The following PDZD2 variants were observed in gnomAD, a reference collection of about 807,000 sequenced individuals.
PDZD2 encodes PDZ domain containing 2.
In PDZD2, 90 loss-of-function variants were observed where a neutral mutation model predicts 220.7. That is an observed-to-expected ratio of 0.41 (90% CI 0.34 to 0.49). PDZD2 has a LOEUF of 0.49. Among genes scored for constraint, PDZD2 ranks in the 20% least tolerant of loss-of-function variants. The pLI, the probability that PDZD2 is intolerant of heterozygous loss-of-function variation, is 0.28. For synonymous variants in PDZD2, 1,375 were observed against 1,450.5 expected, an observed-to-expected ratio of 0.95 and a Z score of 1.18; for missense variants, 3,174 against 3,608.5, an observed-to-expected ratio of 0.88 and a Z score of 3.08.
chr5:31,712,453 T>C (rs1047848547), intron 1 of PDZD2, among the ~76,000 whole-genome samples: 1 of 1,900 alleles, frequency 5.3e-4, no homozygotes, highest in Admixed American at 4.5e-3. Context: ...TGGGCCTGCC[T>C]CTCTCTCTCT....
intron 1 of PDZD2, among the ~76,000 whole-genome samples, chr5:31,689,286 C>T (rs1365009208): frequency 2.5e-5 from 3 of 117,664 alleles, no homozygotes; most frequent in African/African-American, 3.6e-5. Context: ...CATATATATA[C>T]ATACATATAC....
intron 1 of PDZD2, among the ~76,000 whole-genome samples, chr5:31,786,422 A>C (rs1180809970): frequency 1.3e-5 from 2 of 152,206 alleles, no homozygotes; most frequent in Admixed American, 1.3e-4. Flanking sequence ...TTGCTGTTCC[A>C]AAGAGCTTTT....
intron 1 of PDZD2, among the ~76,000 whole-genome samples, chr5:31,691,744 A>G (rs1171492949): frequency 6.6e-6 from 1 of 152,180 alleles, no homozygotes; most frequent in Non-Finnish European, 1.5e-5. Context: ...GTGTTGACAC[A>G]AAGGTTCTCC....
intron 10 of PDZD2, 60 bp downstream of exon 10, chr5:32,053,943 T>A: frequency 1.0e-6 from 1 of 970,690 alleles, no homozygotes; most frequent in Non-Finnish European, 1.7e-6. Context: ...AGAATCTGCC[T>A]CTTCACAAGA....
intron 2 of PDZD2, among the ~76,000 whole-genome samples, chr5:31,868,105 T>C (rs1738396426): frequency 1.3e-5 from 2 of 152,200 alleles, no homozygotes; most frequent in African/African-American, 4.8e-5. Flanking sequence ...TGGTCACCTC[T>C]GTCTGACCCC....
In PDZD2 at chr5:32,087,881, G is replaced by A. The variant is rs562738703; in HGVS notation, c.4433G>A (p.Gly1478Asp). ...SSCRAEPVPGGQTSSPRRAWA... is the reference protein window; with the variant it reads ...SSCRAEPVPGDQTSSPRRAWA... ...TGCCGTGCCGAACCAGTCCCGGGGG[G>A]CCAGACCTCCTCCCCGAGGAGGGCC... Residue 1478 changes from glycine (G) to aspartate (D), a missense_variant, in exon 20 of 25, where the codon GGC becomes GAC. Physicochemically the swap from Gly to Asp is moderately conservative, Grantham distance 94 (BLOSUM62 -1). Around this residue, in one of 4 missense-constraint regions of PDZD2, gnomAD observed 1,861 missense variants for 2,001.0 expected, o/e 0.93. Coordinates refer to ENST00000438447, the MANE Select transcript of PDZD2 (RefSeq NM_178140.4). The surrounding 1 kb of genome is among the most constrained non-coding windows in gnomAD (Gnocchi z 4.0). 1.1e-4 allele frequency: 176 copies of A among 1,612,606 alleles called. No individual in the cohort carries two copies. The East Asian group carries it at 1.3e-3, about 12-fold the overall frequency.
At position 32,074,585 on chromosome 5, in the gene PDZD2, A is replaced by T. The variant is rs1194096505; in HGVS notation, c.3479A>T (p.Gln1160Leu). Residue 1160 changes from glutamine (Q) to leucine (L), a missense_variant, in exon 18 of 25, where the codon CAG becomes CTG. Gln to Leu is a moderately radical substitution (Grantham distance 113). Around this residue, in one of 4 missense-constraint regions of PDZD2, gnomAD observed 1,861 missense variants for 2,001.0 expected, o/e 0.93. Transcript: ENST00000438447. ...CCATGCGATCTGGACTCGAGAGTCCAGGCCACTTCTGTCAAAGTGACTGTC... is the reference window on the plus strand; with the variant it reads ...CCATGCGATCTGGACTCGAGAGTCCTGGCCACTTCTGTCAAAGTGACTGTC... The part of the protein sequence containing the change: ...NDPCDLDSRV[Q>L]ATSVKVTVAG... 6.2e-7 allele frequency: 1 copy of T among 1,613,334 alleles called. No homozygotes were observed.
intron 2 of PDZD2, among the ~76,000 whole-genome samples, chr5:31,901,706 A>G (rs948877436): frequency 6.6e-6 from 1 of 151,996 alleles, no homozygotes; most frequent in African/African-American, 2.4e-5. Context: ...CACATTATCT[A>G]CTTTTAGAAC....
In PDZD2 at chr5:31,914,720, A is replaced by G. The variant is rs531744075; in HGVS notation, c.477-68435A>G. ...CATTTTCTTAGATGATGAAACGGAG[A>G]CAATAATTCAGTGACAAAGACTGTT... On this transcript the variant is annotated intron_variant, in intron 2 of 24. Coordinates refer to ENST00000438447, the MANE Select transcript of PDZD2 (RefSeq NM_178140.4). 2.0e-5 allele frequency among the ~76,000 whole-genome samples: 3 copies of G among 152,326 alleles called. No homozygotes were observed. The East Asian group carries it at 5.8e-4, about 29-fold the overall frequency.
At chr5:31,836,468 GC>G (rs1352366233) in intron 2 of PDZD2, among the ~76,000 whole-genome samples, 4 of 151,880 alleles carry the variant, frequency 2.6e-5, no homozygotes, top group Non-Finnish European at 5.9e-5. Flanking sequence ...CCTCAAGTGA[GC>G]CACCTGCCTC....
At chr5:32,037,119 A>G (rs1261087695) in intron 6 of PDZD2, 112 bp from the exon 7 acceptor site, 9 of 676,418 alleles carry the variant, frequency 1.3e-5, no homozygotes, top group Middle Eastern at 3.7e-4. Flanking sequence ...TTCTTCTCAC[A>G]TAACACCTGT....
In PDZD2 at chr5:31,871,905, A is replaced by G. The variant is rs1738835722; in HGVS notation, c.476+72181A>G. On this transcript the variant is annotated intron_variant, in intron 2 of 24. Transcript: ENST00000438447. ...CAGTGGTGCGAACACAGCTCATGGCAGCCTCAACCTCCTGGGCTCAAGTTA... is the reference window on the plus strand; with the variant it reads ...CAGTGGTGCGAACACAGCTCATGGCGGCCTCAACCTCCTGGGCTCAAGTTA... 2.6e-5 allele frequency among the ~76,000 whole-genome samples: 4 copies of G among 152,122 alleles called. No individual in the cohort carries two copies. The South Asian group carries it at 8.3e-4, about 32-fold the overall frequency.
intron 1 of PDZD2, among the ~76,000 whole-genome samples, chr5:31,684,134 C>T (rs1052712587): frequency 2.9e-4 from 44 of 152,158 alleles, no homozygotes; most frequent in Non-Finnish European, 3.7e-4. Flanking sequence ...TTTGCTGATG[C>T]CCCCGTACAA....
chr5:32,061,295 T>G (rs765885453), intron 14 of PDZD2, among the ~76,000 whole-genome samples, 161 bp downstream of exon 14: 1 of 152,236 alleles, frequency 6.6e-6, no homozygotes, highest in African/African-American at 2.4e-5. Context: ...GTCTTCACAG[T>G]CTTAGAAAAT....
At chr5:32,006,146 CAA>C (rs58241518) in intron 5 of PDZD2, among the ~76,000 whole-genome samples, 38 of 99,314 alleles carry the variant, frequency 3.8e-4, no homozygotes, top group Admixed American at 3.4e-4. Flanking sequence ...GACTCCACTT[CAA>C]AAAAAAAAAA....
intron 7 of PDZD2, among the ~76,000 whole-genome samples, chr5:32,044,585 A>G (rs1239437680): frequency 1.3e-5 from 2 of 152,178 alleles, no homozygotes; most frequent in Non-Finnish European, 2.9e-5. Flanking sequence ...AATTAATTCA[A>G]TACGTTTTTG....
At chr5:31,993,191 T>C (rs1391822942) in intron 3 of PDZD2, among the ~76,000 whole-genome samples, 3 of 152,164 alleles carry the variant, frequency 2.0e-5, no homozygotes, top group South Asian at 2.1e-4. Flanking sequence ...CCAAAAACCA[T>C]AGAGTCCAAA....
chr5:31,919,913 G>A (rs2174436), intron 2 of PDZD2, among the ~76,000 whole-genome samples: 30,270 of 151,336 alleles, frequency 0.2, 4,051 homozygotes, highest in East Asian at 0.41. Context: ...TCGGCTGCCT[G>A]GGAGGATGAG....
chr5:31,875,914 C>G (rs186039480), intron 2 of PDZD2, among the ~76,000 whole-genome samples: 50 of 152,036 alleles, frequency 3.3e-4, no homozygotes, highest in Non-Finnish European at 6.9e-4. Context: ...TGAGTCCATC[C>G]TTTCATACTC....
Sources: gnomAD v4.1 joint callset for allele counts (sites outside exome capture counted in the v4.1 genomes callset) on GRCh38, gnomAD v4.1.1 for gene constraint, gnomAD v4.1.1 regional missense constraint, Gnocchi (gnomAD v3.1) non-coding constraint, MANE v1.5 for transcripts, NCBI Gene and HGNC (gene_info 2026-07-23, HGNC 2026-07-21) for gene names.